Variants in FRMD4A observed in about 807,000 individuals in gnomAD.
FRMD4A encodes the protein FERM domain-containing protein 4A.
A neutral mutation model predicts 129.1 loss-of-function variants in FRMD4A; 29 were observed. That is an observed-to-expected ratio of 0.22 (90% CI 0.17 to 0.31). FRMD4A has a LOEUF of 0.31. Ranked by LOEUF, FRMD4A falls within the 10% of genes least tolerant of loss-of-function variation. The pLI is 1.00. For missense variants in FRMD4A, 1,272 were observed against 1,375.8 expected (o/e 0.92, Z 1.19); for synonymous variants, 634 against 571.6 (o/e 1.11, Z -1.56).
Position 14,066,008 on chromosome 10 carries a change from T to TGTGTGTGTGTGTGTGTG in FRMD4A, c.46-207097_46-207096insCACACACACACACACAC, listed in dbSNP as rs1588899002. ...GGAAGTATGAAGTGGGGGTATGTATTTGTGTGTGTGTGTGTGTGTGTGTGT... is the reference window on the plus strand; with the variant it reads ...GGAAGTATGAAGTGGGGGTATGTATTGTGTGTGTGTGTGTGTGTGTGTGTGTGTGTGTGTGTGTGTGT... On this transcript the variant is annotated intron_variant, in intron 2 of 24. Transcript: ENST00000357447. Among the ~76,000 whole-genome samples, 152 of 139,220 alleles carry TGTGTGTGTGTGTGTGTG rather than the reference T, an allele frequency of 1.1e-3. 1 individual carries two copies. The highest frequency in any genetic ancestry group is 3.8e-3 in the African/African-American group (144 of 37,436). The allele number at this position is 139,220 out of a possible 152,430, so 91.3% of individuals were successfully genotyped here.
At chr10:13,997,271 A>C (rs903600106) in intron 2 of FRMD4A, among the ~76,000 whole-genome samples, 1 of 152,166 alleles carries the variant, frequency 6.6e-6, no homozygotes, top group Non-Finnish European at 1.5e-5. Context: ...CTTTGGTGCT[A>C]TAGGGAGAAA....
At chr10:14,163,712 G>T (rs922029046) in intron 2 of FRMD4A, among the ~76,000 whole-genome samples, 1 of 152,178 alleles carries the variant, frequency 6.6e-6, no homozygotes. Context: ...TTCTCCCCCT[G>T]CCTGAGACGT....
intron 8 of FRMD4A, among the ~76,000 whole-genome samples, chr10:13,753,199 C>T (rs1191402107): frequency 6.6e-6 from 1 of 152,166 alleles, no homozygotes; most frequent in Non-Finnish European, 1.5e-5. Context: ...TCCTTTCTTC[C>T]TCCTCCTTTT....
intron 2 of FRMD4A, among the ~76,000 whole-genome samples, chr10:14,124,109 C>T (rs1428284788): frequency 1.3e-5 from 2 of 152,180 alleles, no homozygotes; most frequent in Non-Finnish European, 2.9e-5. Context: ...CTGTCCTGAG[C>T]AGGTGTTACA....
chr10:13,670,465 G>T lies in FRMD4A; in HGVS notation c.1315C>A (p.Arg439=). The T allele has an allele frequency of 1.2e-6, 2 of 1,613,008 alleles. No homozygotes were observed. Among genetic ancestry groups the T allele is most frequent in the East Asian group, 2.2e-5 (1 of 44,848 alleles). ...TTGAAGGCTGTTCCTATTCTTCTCC[G>T]AACAATGGGTGGTTCCTCCCCTGGA... ...LDPGEEPPIV[R]RRIGTAFKLD... Residue 439 remains arginine, a synonymous_variant, in exon 17 of 25, where the codon CGG becomes AGG. Transcript: ENST00000357447.
At chr10:14,017,285 G>A (rs888942347) in intron 2 of FRMD4A, among the ~76,000 whole-genome samples, 6 of 152,140 alleles carry the variant, frequency 3.9e-5, no homozygotes, top group African/African-American at 9.7e-5. Context: ...TGCAAAGCCC[G>A]TTTTCATGTG....
chr10:14,233,032 A>C (rs1843688324), intron 2 of FRMD4A, among the ~76,000 whole-genome samples: 1 of 152,220 alleles, frequency 6.6e-6, no homozygotes, highest in Admixed American at 6.5e-5. Context: ...ACCCAGTGTG[A>C]CACATAGTAG....
chr10:14,169,009 A>G (rs529931527), intron 2 of FRMD4A, among the ~76,000 whole-genome samples: 2 of 152,298 alleles, frequency 1.3e-5, no homozygotes, highest in East Asian at 3.9e-4. Flanking sequence ...TTTGCACCCA[A>G]CTGAGGTCAG....
chr10:13,828,633 A>G (rs2093741233), intron 3 of FRMD4A, among the ~76,000 whole-genome samples: 1 of 151,670 alleles, frequency 6.6e-6, no homozygotes, highest in African/African-American at 2.4e-5. Context: ...CCTGGGTTCA[A>G]GCAATTCTCC....
chr10:13,947,695 T>G (rs1047672187), intron 2 of FRMD4A, among the ~76,000 whole-genome samples: 2 of 152,158 alleles, frequency 1.3e-5, no homozygotes, highest in Non-Finnish European at 2.9e-5. Flanking sequence ...AAGCCTCCAG[T>G]GTTTAATCTG....
At chr10:13,866,736 G>C (rs1345985932) in intron 2 of FRMD4A, among the ~76,000 whole-genome samples, 1 of 152,188 alleles carries the variant, frequency 6.6e-6, no homozygotes, top group Non-Finnish European at 1.5e-5. Context: ...GAGGTGGGCA[G>C]ATCACTTGAG....
At chr10:14,187,090 G>A (rs756441489) in intron 2 of FRMD4A, among the ~76,000 whole-genome samples, 6 of 139,336 alleles carry the variant, frequency 4.3e-5, no homozygotes, top group East Asian at 2.4e-4. Flanking sequence ...TTGTACTCTC[G>A]TTTGGGTGAC....
Position 13,810,835 on chromosome 10 carries a change from C to A in FRMD4A, c.185G>T (p.Gly62Val). Residue 62 changes from glycine (G) to valine (V), a missense_variant, in exon 4 of 25, where the codon GGA becomes GTA. This residue lies in a region of FRMD4A where 300 missense variants were observed against 483.6 expected (regional missense o/e 0.62). Coordinates refer to ENST00000357447, the MANE Select transcript of FRMD4A (RefSeq NM_018027.5). ...TTACGTTTCATCTGTGAATGCTATT[C>A]CAAAGTACTCCTTTTCCTTCAGATT... Reference protein sequence around the residue: ...HFNLKEKEYFGIAFTDETGHL... With the variant: ...HFNLKEKEYFVIAFTDETGHL... 1 of 1,589,028 alleles carries A rather than the reference C, an allele frequency of 6.3e-7. No individual in the cohort carries two copies. The highest frequency in any genetic ancestry group is 1.1e-5 in the South Asian group (1 of 90,302).
chr10:13,847,676 A>C (rs1294544916), intron 3 of FRMD4A, among the ~76,000 whole-genome samples: 2 of 152,208 alleles, frequency 1.3e-5, no homozygotes, highest in African/African-American at 2.4e-5. Context: ...AAGGGAAGCC[A>C]TTCCAGGCAC....
rs551730702 is a variant in FRMD4A at position 13,994,422 on chromosome 10, C to T, written c.46-135510G>A. On this transcript the variant is annotated intron_variant, in intron 2 of 24. Coordinates refer to ENST00000357447, the MANE Select transcript of FRMD4A (RefSeq NM_018027.5). ...TCGATCTCCCGACCTCATGATCTGC[C>T]TGCCTCGGCCTCCCAAAGTACTGGG... Among the ~76,000 whole-genome samples, 3 of 152,150 alleles carry T rather than the reference C, an allele frequency of 2.0e-5. No homozygotes were observed. The South Asian group carries it at 6.2e-4, about 32-fold the overall frequency.
chr10:13,723,998 T>C (rs2089684077), intron 12 of FRMD4A, among the ~76,000 whole-genome samples: 1 of 152,202 alleles, frequency 6.6e-6, no homozygotes, highest in Non-Finnish European at 1.5e-5. Context: ...CTGGGTGACG[T>C]TGTAATACCT....
chr10:13,858,965 G>A, intron 2 of FRMD4A, 53 bp from the exon 3 acceptor site: 1 of 1,126,788 alleles, frequency 8.9e-7, no homozygotes, highest in African/African-American at 1.5e-5. Flanking sequence ...CAGACAAAGG[G>A]TTAGAGGGTC....
intron 5 of FRMD4A, among the ~76,000 whole-genome samples, chr10:13,785,747 G>A (rs138386646): frequency 0.032 from 4,880 of 152,066 alleles, 121 homozygotes; most frequent in Non-Finnish European, 0.048. Context: ...CATTAGGTAT[G>A]TCTCCTAATG....
intron 3 of FRMD4A, among the ~76,000 whole-genome samples, chr10:13,811,712 T>C (rs1398128377): frequency 6.6e-6 from 1 of 152,022 alleles, no homozygotes; most frequent in South Asian, 2.1e-4. Context: ...CACCAGGCAC[T>C]GAAGTGGGGG....
Sources: allele counts gnomAD v4.1 joint callset (sites outside exome capture counted in the v4.1 genomes callset), GRCh38; gene constraint gnomAD v4.1.1; regional missense constraint gnomAD v4.1.1; transcripts MANE v1.5; gene names NCBI Gene and HGNC (gene_info 2026-07-23, HGNC 2026-07-21).